Variants in MYBL2 observed in about 807,000 individuals in gnomAD.
MYBL2 encodes the protein myb-related protein B.
A neutral mutation model predicts 79.9 loss-of-function variants in MYBL2; 28 were observed. The ratio of observed to expected loss-of-function variants is 0.35; its 90% CI spans 0.26 to 0.48. The LOEUF (loss-of-function observed/expected upper bound fraction) is 0.48, where lower values mean the gene tolerates loss of function less well. Ranked by LOEUF, MYBL2 falls within the 20% of genes least tolerant of loss-of-function variation. MYBL2 has a pLI of 0.99. For synonymous variants in MYBL2, 378 were observed against 361.2 expected (o/e 1.05, Z -0.53); for missense variants, 735 against 893.9 (o/e 0.82, Z 2.27).
chr20:43,670,104 CAAAAT>C (rs1473395129), intron 1 of MYBL2, among the ~76,000 whole-genome samples: 1 of 151,850 alleles, frequency 6.6e-6, no homozygotes, highest in Admixed American at 6.6e-5. Flanking sequence ...GACTCTATCT[CAAAAT>C]AAACAAACAA....
Position 43,689,846 on chromosome 20 carries a change from A to G in MYBL2, c.501-2311A>G, listed in dbSNP as rs555402413. ...ATATGCGAGCAAAAGAAGGAGTCTC[A>G]CTATAGCTTGGGGCACCCCAGACTC... On this transcript the variant is annotated intron_variant, in intron 5 of 13. Transcript: ENST00000217026. 6.6e-5 allele frequency among the ~76,000 whole-genome samples: 10 copies of G among 152,296 alleles called. No individual in the cohort carries two copies. In the South Asian group the frequency reaches 2.1e-3, roughly 32 times the overall value.
intron 7 of MYBL2, among the ~76,000 whole-genome samples, chr20:43,701,607 A>G (rs1987676267): frequency 6.6e-6 from 1 of 152,202 alleles, no homozygotes; most frequent in Non-Finnish European, 1.5e-5. Flanking sequence ...CTTGGTATGA[A>G]AGGGAAAGTA....
intron 6 of MYBL2, 120 bp downstream of exon 6, chr20:43,692,439 T>A: frequency 7.7e-7 from 1 of 1,303,294 alleles, no homozygotes. Flanking sequence ...AAGTGGGCTC[T>A]GTGCTTCTGG....
intron 12 of MYBL2, among the ~76,000 whole-genome samples, chr20:43,713,557 T>C (rs774568766): frequency 2.6e-5 from 4 of 151,996 alleles, no homozygotes; most frequent in African/African-American, 7.2e-5. Flanking sequence ...CCGGCTAATT[T>C]TGTATCTTTA....
chr20:43,691,257 G>C lies in MYBL2; in HGVS notation c.501-900G>C, dbSNP rs140195476. Among the ~76,000 whole-genome samples, 50 of 152,248 alleles carry C rather than the reference G, an allele frequency of 3.3e-4. No homozygotes were observed. The East Asian group carries it at 9.1e-3, about 28-fold the overall frequency. On this transcript the variant is annotated intron_variant, in intron 5 of 13. Coordinates refer to ENST00000217026, the MANE Select transcript of MYBL2 (RefSeq NM_002466.4). The stretch of plus-strand genomic sequence containing the variant: ...TACACATTCGAAGTGGGCAGGGAAG[G>C]GGGTGAGAGTTCCAAGCACATATCT...
intron 9 of MYBL2, among the ~76,000 whole-genome samples, chr20:43,708,144 A>G (rs1568877619): frequency 6.6e-6 from 1 of 152,164 alleles, no homozygotes; most frequent in Non-Finnish European, 1.5e-5. Context: ...TCTGTCCCCA[A>G]GGTTGAATAC....
intron 1 of MYBL2, 112 bp downstream of exon 1, chr20:43,667,415 G>A: frequency 1.3e-6 from 1 of 758,716 alleles, no homozygotes; most frequent in Non-Finnish European, 1.8e-6. Context: ...GTGTGTGTGT[G>A]TGTTGGGGGT....
In MYBL2 at chr20:43,683,550, C is replaced by CCTTTTTTT. The variant is rs764273305; in HGVS notation, c.279+664_279+665insCTTTTTTT. 4.0e-5 allele frequency among the ~76,000 whole-genome samples: 5 copies of CCTTTTTTT among 126,446 alleles called. 1 individual carries two copies. The highest frequency in any genetic ancestry group is 5.0e-5 in the Non-Finnish European group (3 of 59,780). The allele number at this position is 126,446 out of a possible 152,430, so 83.0% of individuals were successfully genotyped here. ...AAAGAGGGAGATGAAGGGAACTAGG[C>CCTTTTTTT]ATTTTTTTTTTTTTTTTTTTTGAGA... is the stretch of plus-strand genomic sequence containing the variant. On this transcript the variant is annotated intron_variant, in intron 4 of 13. Coordinates refer to ENST00000217026, the MANE Select transcript of MYBL2 (RefSeq NM_002466.4).
At position 43,702,988 on chromosome 20, in the gene MYBL2, C is replaced by G. The variant is rs1568872756; in HGVS notation, c.1365+85C>G. On this transcript the variant is annotated intron_variant, in intron 8 of 13. Coordinates refer to ENST00000217026, the MANE Select transcript of MYBL2 (RefSeq NM_002466.4). ...TGGGGCAAGGGTGAGCAAAACGAGA[C>G]CTGGCTCTGCCCTCATGCAGCTTAT... The G allele has an allele frequency of 2.1e-6, 3 of 1,399,346 alleles. No individual in the cohort carries two copies. The Admixed American group carries it at 6.7e-5, about 31-fold the overall frequency. 86.7% of individuals were successfully genotyped at this position (1,399,346 alleles called of 1,614,324 possible).
chr20:43,674,234 C>CCCTT lies in MYBL2; in HGVS notation c.114+335_114+336insCCTT, dbSNP rs33986259. The stretch of plus-strand genomic sequence containing the variant: ...GGCCAAATCTGTAACTCCCCCCACC[C>CCCTT]TTTTTTTTTTTTTTTTTTTGAGACA... On this transcript the variant is annotated intron_variant, in intron 2 of 13. Transcript: ENST00000217026. Among the ~76,000 whole-genome samples the CCCTT allele has an allele frequency of 8.1e-3, 586 of 72,188 alleles. 76 individuals are homozygous for CCCTT. Among genetic ancestry groups the CCCTT allele is most frequent in the Non-Finnish European group, 0.012 (395 of 32,970 alleles). The allele number at this position is 72,188 out of a possible 152,430, so 47.4% of individuals were successfully genotyped here.
chr20:43,712,652 G>A (rs961254516), intron 11 of MYBL2, among the ~76,000 whole-genome samples: 1 of 152,152 alleles, frequency 6.6e-6, no homozygotes, highest in Non-Finnish European at 1.5e-5. Context: ...GCTATTTTAG[G>A]TGTTACTGGG....
rs191522784 is a variant in MYBL2, at chr20:43,680,201, T to C, written c.115-1583T>C. Among the ~76,000 whole-genome samples, 242 of 152,188 alleles carry C rather than the reference T, an allele frequency of 1.6e-3. 1 individual carries two copies. Among genetic ancestry groups the C allele is most frequent in the African/African-American group, 5.6e-3 (234 of 41,530 alleles). ...GCCTGCCACCACGCTGGGCTAATTT[T>C]TGTATTAGTAGAGACGAACTTTCAC... is the stretch of plus-strand genomic sequence containing the variant. On this transcript the variant is annotated intron_variant, in intron 2 of 13. Coordinates refer to ENST00000217026, the MANE Select transcript of MYBL2 (RefSeq NM_002466.4).
intron 6 of MYBL2, among the ~76,000 whole-genome samples, chr20:43,698,351 A>T (rs1256460906): frequency 4.3e-4 from 21 of 49,070 alleles, no homozygotes; most frequent in South Asian, 8.6e-4. Flanking sequence ...CGCCCCGCAT[A>T]TTTTTTTTTT....
intron 2 of MYBL2, among the ~76,000 whole-genome samples, chr20:43,674,963 C>T (rs1986969271): frequency 6.6e-6 from 1 of 152,120 alleles, no homozygotes; most frequent in Non-Finnish European, 1.5e-5. Flanking sequence ...TATATGTAAT[C>T]ATATGCAATC....
chr20:43,680,091 C>A (rs544666753), intron 2 of MYBL2, among the ~76,000 whole-genome samples: 1 of 152,292 alleles, frequency 6.6e-6, no homozygotes, highest in Non-Finnish European at 1.5e-5. Flanking sequence ...AGTGCAATGG[C>A]ATGATCTTAG....
chr20:43,673,785 C>T lies in MYBL2; in HGVS notation c.21-21C>T, dbSNP rs760844154. 5 of 1,571,280 alleles carry T rather than the reference C, an allele frequency of 3.2e-6. No individual in the cohort carries two copies. The Admixed American group carries it at 5.6e-5, about 17-fold the overall frequency. ...ACATATGGACACACCATCCTTGACC[C>T]TTGGCCTGCTTTCCCCATAGCGAGG... On this transcript the variant is annotated intron_variant, in intron 1 of 13. Transcript: ENST00000217026.
intron 5 of MYBL2, among the ~76,000 whole-genome samples, chr20:43,690,807 C>G (rs887373532): frequency 6.6e-6 from 1 of 152,142 alleles, no homozygotes; most frequent in Non-Finnish European, 1.5e-5. Context: ...TGGTCTTGAA[C>G]TCCTGACCTC....
Position 43,687,092 on chromosome 20 carries a change from G to A in MYBL2, c.500+20G>A. On this transcript the variant is annotated intron_variant, in intron 5 of 13. Transcript: ENST00000217026. ...AGGGAGGTAAGCTGTCTTCTTGGGG[G>A]TTGGGACAGGTTCCCGGGAGGCCAG... 6.2e-7 allele frequency: 1 copy of A among 1,607,816 alleles called. No individual in the cohort carries two copies. Among genetic ancestry groups the A allele is most frequent in the Non-Finnish European group, 8.5e-7 (1 of 1,176,908 alleles).
intron 8 of MYBL2, among the ~76,000 whole-genome samples, chr20:43,704,459 A>G (rs1018647760): frequency 4.0e-4 from 61 of 152,136 alleles, no homozygotes; most frequent in African/African-American, 1.4e-3. Context: ...CTGGCTGGAG[A>G]AGGAAGGCAG....
Sources: allele counts gnomAD v4.1 joint callset (sites outside exome capture counted in the v4.1 genomes callset), GRCh38; gene constraint gnomAD v4.1.1; transcripts MANE v1.5; gene names NCBI Gene and HGNC (gene_info 2026-07-23, HGNC 2026-07-21).